Variants in GRID2 observed in about 807,000 individuals in gnomAD.
GRID2 encodes the protein glutamate ionotropic receptor delta type subunit 2, also known as glutamate receptor ionotropic, delta-2.
Under a neutral mutation model 114.8 loss-of-function variants are expected in GRID2, and 33 were observed. The ratio of observed to expected loss-of-function variants is 0.29; its 90% CI spans 0.22 to 0.38. GRID2 has a LOEUF of 0.38. Among genes scored for constraint, GRID2 ranks in the 10% least tolerant of loss-of-function variants. The pLI is 1.00. For synonymous variants in GRID2, 505 were observed against 449.9 expected, an observed-to-expected ratio of 1.12 and a Z score of -1.55; for missense variants, 1,184 against 1,257.7, an observed-to-expected ratio of 0.94 and a Z score of 0.89.
chr4:93,475,572 A>C (rs1725244246), intron 11 of GRID2, among the ~76,000 whole-genome samples: 1 of 152,132 alleles, frequency 6.6e-6, no homozygotes. Context: ...AAACTGATTG[A>C]AAATGTATTG....
intron 1 of GRID2, among the ~76,000 whole-genome samples, chr4:92,391,230 A>G (rs1730223530): frequency 6.6e-6 from 1 of 152,158 alleles, no homozygotes; most frequent in African/African-American, 2.4e-5. Context: ...ACAAATTGTC[A>G]TCAGACTGTT....
At chr4:92,969,320 G>C (rs1277647814) in intron 2 of GRID2, among the ~76,000 whole-genome samples, 2 of 151,588 alleles carry the variant, frequency 1.3e-5, no homozygotes, top group Non-Finnish European at 3.0e-5. Context: ...AAAGAATTTT[G>C]ACTGCATGTT....
intron 9 of GRID2, among the ~76,000 whole-genome samples, chr4:93,415,250 T>G (rs1234264601): frequency 6.6e-6 from 1 of 152,102 alleles, no homozygotes. Context: ...TATTTCTTGA[T>G]AGCTTTCTTT....
intron 14 of GRID2, among the ~76,000 whole-genome samples, chr4:93,716,863 C>T (rs1465082788): frequency 6.6e-6 from 1 of 151,916 alleles, no homozygotes; most frequent in African/African-American, 2.4e-5. Flanking sequence ...TAAATGTATT[C>T]AAAGAAAGGG....
At chr4:93,568,020 C>G (rs184250508) in intron 13 of GRID2, among the ~76,000 whole-genome samples, 2 of 152,160 alleles carry the variant, frequency 1.3e-5, no homozygotes, top group African/African-American at 4.8e-5. Context: ...TGGAGAATTA[C>G]AAAGAGTATG....
intron 2 of GRID2, among the ~76,000 whole-genome samples, chr4:92,987,621 T>A: frequency 6.6e-6 from 1 of 151,786 alleles, no homozygotes; most frequent in East Asian, 1.9e-4. Flanking sequence ...AAGAAATAAA[T>A]AAATGAAAAG....
At chr4:93,805,823 G>C (rs2110371196) in intron 1 of GRID2, among the ~76,000 whole-genome samples, 1 of 152,328 alleles carries the variant, frequency 6.6e-6, no homozygotes, top group South Asian at 2.1e-4. Context: ...TCGGCCGAGT[G>C]TGGTGGCTCA....
chr4:93,092,893 G>C (rs895914106), intron 3 of GRID2, among the ~76,000 whole-genome samples: 8 of 151,816 alleles, frequency 5.3e-5, no homozygotes, highest in African/African-American at 1.9e-4. Context: ...ATGGAGGAGA[G>C]TATTGTACAG....
At chr4:93,163,936 T>C (rs1004752003) in intron 4 of GRID2, among the ~76,000 whole-genome samples, 3 of 151,906 alleles carry the variant, frequency 2.0e-5, no homozygotes, top group Non-Finnish European at 2.9e-5. Context: ...AATACAGAAG[T>C]TATAGCATGG....
At chr4:92,970,211 A>G (rs1753415497) in intron 2 of GRID2, among the ~76,000 whole-genome samples, 1 of 151,930 alleles carries the variant, frequency 6.6e-6, no homozygotes, top group African/African-American at 2.4e-5. Flanking sequence ...CCACTAATCC[A>G]CAATATTATG....
intron 1 of GRID2, among the ~76,000 whole-genome samples, chr4:92,457,739 G>T (rs1721287713): frequency 2.6e-5 from 4 of 151,920 alleles, no homozygotes; most frequent in Admixed American, 2.6e-4. Flanking sequence ...TGTGGCATTT[G>T]CCTCCAAGAG....
chr4:92,315,875 C>G (rs1258015790), intron 1 of GRID2, among the ~76,000 whole-genome samples: 6 of 150,558 alleles, frequency 4.0e-5, no homozygotes, highest in African/African-American at 1.5e-4. Flanking sequence ...GGGGCTGAGG[C>G]AGGAGAATTG....
chr4:92,810,288 G>T (rs1295604904), intron 2 of GRID2, among the ~76,000 whole-genome samples: 1 of 150,970 alleles, frequency 6.6e-6, no homozygotes, highest in Non-Finnish European at 1.5e-5. Context: ...CTTAATTTAT[G>T]AGTTATTTTA....
At chr4:93,267,783 A>G (rs1011292470) in intron 8 of GRID2, among the ~76,000 whole-genome samples, 1 of 152,174 alleles carries the variant, frequency 6.6e-6, no homozygotes, top group Non-Finnish European at 1.5e-5. Context: ...AGACAAGATC[A>G]CAAAACCCAG....
At chr4:93,210,951 G>A (rs947809378) in intron 5 of GRID2, among the ~76,000 whole-genome samples, 11 of 151,884 alleles carry the variant, frequency 7.2e-5, no homozygotes, top group Non-Finnish European at 1.2e-4. Flanking sequence ...CAAAACCAGC[G>A]AGAGTCATTT....
At chr4:92,815,008 TG>T (rs1740823365) in intron 2 of GRID2, among the ~76,000 whole-genome samples, 1 of 152,006 alleles carries the variant, frequency 6.6e-6, no homozygotes, top group Non-Finnish European at 1.5e-5. Flanking sequence ...GAGCAGGCAG[TG>T]GGGGGTGGAT....
intron 9 of GRID2, among the ~76,000 whole-genome samples, chr4:93,414,706 T>TATATATATATATATATATATA (rs1560595949): frequency 5.3e-5 from 8 of 149,708 alleles, no homozygotes; most frequent in African/African-American, 7.4e-5. Context: ...TATATATATA[T>TATATATATATATATATATATA]TTCCTTTTTT....
intron 1 of GRID2, among the ~76,000 whole-genome samples, chr4:92,307,687 A>G (rs1360781694): frequency 6.6e-6 from 1 of 152,140 alleles, no homozygotes; most frequent in Non-Finnish European, 1.5e-5. Flanking sequence ...TTAGTCAAAA[A>G]TGCACAATTT....
At chr4:92,370,700 G>C (rs137995251) in intron 1 of GRID2, among the ~76,000 whole-genome samples, 7 of 152,300 alleles carry the variant, frequency 4.6e-5, no homozygotes, top group Non-Finnish European at 1.0e-4. Flanking sequence ...AGCTAAAAGA[G>C]AGTAAGCTTA....
Sources: allele counts gnomAD v4.1 joint callset (sites outside exome capture counted in the v4.1 genomes callset), GRCh38; gene constraint gnomAD v4.1.1; transcripts MANE v1.5; gene names NCBI Gene and HGNC (gene_info 2026-07-23, HGNC 2026-07-21).